Variants in GSK3B observed in about 807,000 individuals in gnomAD.
GSK3B encodes glycogen synthase kinase 3 beta.
In GSK3B, 15 loss-of-function variants were observed where a neutral mutation model predicts 56.4. That is an observed-to-expected ratio of 0.27 (90% CI 0.18 to 0.41). GSK3B has a LOEUF of 0.41. Ranked by LOEUF, GSK3B falls within the 10% of genes least tolerant of loss-of-function variation. The pLI, the probability that GSK3B is intolerant of heterozygous loss-of-function variation, is 1.00. For synonymous variants in GSK3B, 181 were observed against 188.9 expected (o/e 0.96, Z 0.34); for missense variants, 300 against 513.4 (o/e 0.58, Z 4.02).
At chr3:119,933,695 G>A (rs1257278385) in intron 3 of GSK3B, among the ~76,000 whole-genome samples, 2 of 152,044 alleles carry the variant, frequency 1.3e-5, no homozygotes, top group East Asian at 3.9e-4. Context: ...TGGCCAACAT[G>A]GTGAAACCCC....
At chr3:119,910,853 C>G (rs982513222) in intron 6 of GSK3B, among the ~76,000 whole-genome samples, 2 of 152,182 alleles carry the variant, frequency 1.3e-5, no homozygotes, top group African/African-American at 4.8e-5. Flanking sequence ...GTAGATTCCA[C>G]CTCAAGAAAC....
chr3:119,987,716 C>T (rs1361708284), intron 2 of GSK3B, among the ~76,000 whole-genome samples: 3 of 151,878 alleles, frequency 2.0e-5, no homozygotes, highest in Non-Finnish European at 4.4e-5. Context: ...GATAAATATG[C>T]CTACAAGGTC....
chr3:119,833,346 A>AT (rs1406269032), intron 10 of GSK3B, among the ~76,000 whole-genome samples: 3 of 152,138 alleles, frequency 2.0e-5, no homozygotes, highest in African/African-American at 7.2e-5. Flanking sequence ...GCCACCATGA[A>AT]TTAGTATTCT....
In GSK3B at chr3:119,980,856, T is replaced by C. The variant is rs142385166; in HGVS notation, c.282+21190A>G. 2.1e-4 allele frequency among the ~76,000 whole-genome samples: 32 copies of C among 152,292 alleles called. 2 individuals are homozygous for C. The highest frequency in any genetic ancestry group is 4.2e-4 in the South Asian group (2 of 4,818). On this transcript the variant is annotated intron_variant, in intron 2 of 10. Coordinates refer to ENST00000264235, the MANE Select transcript of GSK3B (RefSeq NM_001146156.2). ...GAGAAGTTATGGAAAAAGAATCTTA[T>C]ATGGTAAATTCTTGTCCTAAGTTAA...
chr3:119,939,274 CATAG>C (rs1022505723), intron 3 of GSK3B, among the ~76,000 whole-genome samples: 6 of 152,182 alleles, frequency 3.9e-5, no homozygotes, highest in Admixed American at 6.5e-5. Context: ...AAGGCTAGAA[CATAG>C]ATAGCCTGTG....
At chr3:119,921,679 C>T (rs1243175433) in intron 4 of GSK3B, among the ~76,000 whole-genome samples, 1 of 152,076 alleles carries the variant, frequency 6.6e-6, no homozygotes, top group Non-Finnish European at 1.5e-5. Flanking sequence ...ACATTAGAGG[C>T]ACATCAGCCA....
chr3:119,926,350 ACACACC>A (rs1273386386), intron 3 of GSK3B, among the ~76,000 whole-genome samples: 7 of 151,242 alleles, frequency 4.6e-5, no homozygotes, highest in African/African-American at 1.7e-4. Context: ...ACACACACAC[ACACACC>A]CCTATACCCA....
At chr3:120,053,226 A>T (rs1405542122) in intron 1 of GSK3B, among the ~76,000 whole-genome samples, 1 of 152,068 alleles carries the variant, frequency 6.6e-6, no homozygotes, top group Non-Finnish European at 1.5e-5. Flanking sequence ...AATCCCAGCT[A>T]CTCGGGAGGC....
intron 1 of GSK3B, among the ~76,000 whole-genome samples, chr3:120,071,532 G>A (rs1303796118): frequency 2.0e-5 from 3 of 152,122 alleles, no homozygotes; most frequent in Admixed American, 6.5e-5. Context: ...TCTCATAGGA[G>A]CGTGAACTCT....
intron 2 of GSK3B, among the ~76,000 whole-genome samples, chr3:119,988,732 T>C (rs1278787793): frequency 6.6e-6 from 1 of 152,230 alleles, no homozygotes; most frequent in Non-Finnish European, 1.5e-5. Context: ...AATCCAGGGC[T>C]GGGCTTGGCT....
chr3:119,958,155 ACTCT>A (rs753267531), intron 2 of GSK3B, among the ~76,000 whole-genome samples: 1 of 151,484 alleles, frequency 6.6e-6, no homozygotes, highest in Admixed American at 6.6e-5. Context: ...CTGCACGATG[ACTCT>A]CTCTCCCACC....
intron 2 of GSK3B, among the ~76,000 whole-genome samples, chr3:119,969,473 T>TA (rs1196398023): frequency 6.6e-6 from 1 of 152,156 alleles, no homozygotes; most frequent in Non-Finnish European, 1.5e-5. Context: ...CCCAGCAAGT[T>TA]ACATTGCAGA....
intron 10 of GSK3B, among the ~76,000 whole-genome samples, chr3:119,835,638 T>C (rs900956063): frequency 1.3e-5 from 2 of 152,230 alleles, no homozygotes; most frequent in Non-Finnish European, 2.9e-5. Context: ...AACTATACAC[T>C]ATATGTTCTT....
chr3:119,848,576 G>A (rs1008569352), intron 9 of GSK3B, among the ~76,000 whole-genome samples: 4 of 152,166 alleles, frequency 2.6e-5, no homozygotes, highest in Admixed American at 1.3e-4. Context: ...CACCAAACTC[G>A]CAAGCAGTCA....
At chr3:120,034,229 C>G (rs374558582) in intron 1 of GSK3B, among the ~76,000 whole-genome samples, 24 of 152,210 alleles carry the variant, frequency 1.6e-4, no homozygotes, top group African/African-American at 5.8e-4. Context: ...TGATAATGTT[C>G]AAGGTATCCA....
At chr3:120,046,996 C>T (rs2058109291) in intron 1 of GSK3B, among the ~76,000 whole-genome samples, 1 of 152,146 alleles carries the variant, frequency 6.6e-6, no homozygotes, top group African/African-American at 2.4e-5. Context: ...CTAAATTTGA[C>T]AGACAGGAAC....
chr3:119,976,143 G>A (rs1216803799), intron 2 of GSK3B, among the ~76,000 whole-genome samples: 1 of 152,162 alleles, frequency 6.6e-6, no homozygotes, highest in African/African-American at 2.4e-5. Context: ...AATAGGTACA[G>A]CTGCTTTAGA....
intron 2 of GSK3B, among the ~76,000 whole-genome samples, chr3:119,966,477 TA>T (rs1386653997): frequency 2.6e-5 from 4 of 152,178 alleles, no homozygotes; most frequent in African/African-American, 9.7e-5. Flanking sequence ...TCCAATTTCT[TA>T]AAGGGCTCTC....
chr3:119,997,493 T>C (rs972931462), intron 2 of GSK3B, among the ~76,000 whole-genome samples: 2 of 152,220 alleles, frequency 1.3e-5, no homozygotes, highest in African/African-American at 4.8e-5. Flanking sequence ...ATGGATTAAA[T>C]GCTGAGAATT....
Sources: allele counts gnomAD v4.1 joint callset (sites outside exome capture counted in the v4.1 genomes callset), GRCh38; gene constraint gnomAD v4.1.1; transcripts MANE v1.5; gene names NCBI Gene and HGNC (gene_info 2026-07-23, HGNC 2026-07-21).